The following LPAR4 variants were observed in gnomAD, a reference collection of about 807,000 sequenced individuals.
LPAR4 encodes the protein lysophosphatidic acid receptor 4.
Under a neutral mutation model 9.2 loss-of-function variants are expected in LPAR4, and 14 were observed. The ratio of observed to expected loss-of-function variants is 1.51; its 90% CI spans 1.00 to 2.37. The LOEUF (loss-of-function observed/expected upper bound fraction) is 2.37, where lower values mean the gene tolerates loss of function less well. LPAR4 is among the 30% of genes most tolerant of loss of function. LPAR4 has a pLI of 0.00. For missense variants in LPAR4, 251 were observed against 272.1 expected (o/e 0.92, Z 0.55); for synonymous variants, 131 against 97.9 (o/e 1.34, Z -1.99).
At chrX:78,750,047 T>G (rs983682738) in intron 1 of LPAR4, 127 bp from the exon 2 acceptor site, 5 of 111,974 alleles carry the variant, frequency 4.5e-5, no homozygotes, top group Non-Finnish European at 7.5e-5. Context: ...CTAATTTGCT[T>G]GGATTTTGAA....
Position 78,754,861 on chromosome X carries a change from A to G in LPAR4, c.-9A>G, listed in dbSNP as rs749233321. 12 of 1,174,953 alleles carry G rather than the reference A, an allele frequency of 1.0e-5. No individual in the cohort carries two copies. In the South Asian group the frequency reaches 1.2e-4, roughly 12 times the overall value. ...CCTGCAGCCAGCAGGCCTCCTGAAA[A>G]AAAAGTCCATGGGTGACAGAAGATT... On this transcript the variant is annotated 5_prime_UTR_variant, in exon 5 of 5. Transcript: ENST00000614823.
chrX:78,754,521 T>C (rs1353867236), intron 4 of LPAR4, among the ~76,000 whole-genome samples: 1 of 112,294 alleles, frequency 8.9e-6, no homozygotes, highest in Non-Finnish European at 1.9e-5. Context: ...TTAACTATCA[T>C]TTTATATTTT....
Position 78,756,900 on chromosome X carries a change from A to T in LPAR4, c.*918A>T, listed in dbSNP as rs555754557. The T allele has an allele frequency of 1.6e-5, 2 of 122,269 alleles. No individual in the cohort carries two copies. Among genetic ancestry groups the T allele is most frequent in the South Asian group, 3.8e-4 (1 of 2,656 alleles). The allele number at this position is 122,269 out of a possible 1,213,427, so 10.1% of individuals were successfully genotyped here. On this transcript the variant is annotated 3_prime_UTR_variant, in exon 5 of 5. Coordinates refer to ENST00000614823, the MANE Select transcript of LPAR4 (RefSeq NM_001278000.3). ...GGTCAGGAGCAAATTGAAAAAAAAA[A>T]TAAAGTAATACAAAAAAATCAAACT...
At position 78,757,439 on chromosome X, in the gene LPAR4, G is replaced by A. The variant is rs752071746; in HGVS notation, c.*1457G>A. Among the ~76,000 whole-genome samples, 2 of 111,532 alleles carry A rather than the reference G, an allele frequency of 1.8e-5. No individual in the cohort carries two copies. Among genetic ancestry groups the A allele is most frequent in the East Asian group, 5.6e-4 (2 of 3,586 alleles). On this transcript the variant is annotated 3_prime_UTR_variant, in exon 5 of 5. Transcript: ENST00000614823. The stretch of plus-strand genomic sequence containing the variant: ...TTCATATAATGCTTTGGATCAAATT[G>A]CAACTAAGAAGCTGCTAAAATGGCA...
At chrX:78,750,837 T>C (rs1329788685) in intron 3 of LPAR4, 45 bp downstream of exon 3, 1 of 111,601 alleles carries the variant, frequency 9.0e-6, no homozygotes, top group Non-Finnish European at 1.9e-5. Flanking sequence ...TTGGTATTTT[T>C]AATGTAATGC....
chrX:78,755,294 A>G lies in LPAR4; in HGVS notation c.425A>G (p.Tyr142Cys), dbSNP rs1413370709. 2 of 1,207,044 alleles carry G rather than the reference A, an allele frequency of 1.7e-6. No individual in the cohort carries two copies. The highest frequency in any genetic ancestry group is 1.1e-6 in the Non-Finnish European group (1 of 892,925). Residue 142 changes from tyrosine (Y) to cysteine (C), a missense_variant, in exon 5 of 5, where the codon TAT (tyrosine) becomes TGT (cysteine). By Grantham distance (194) the Tyr-to-Cys change is radical. Transcript: ENST00000614823. ...GTGGATCGTTTCCTGGCCATTGTCT[A>G]TCCTTTTCGATCTCGTACTATTAGG... ...ISVDRFLAIVYPFRSRTIRTR... is the reference protein window; with the variant it reads ...ISVDRFLAIVCPFRSRTIRTR...
At position 78,756,008 on chromosome X, in the gene LPAR4, A is replaced by T; in HGVS notation, c.*26A>T. 1.8e-6 allele frequency: 2 copies of T among 1,141,848 alleles called. No homozygotes were observed. The highest frequency in any genetic ancestry group is 2.0e-5 in the South Asian group (1 of 49,231). 94.1% of individuals were successfully genotyped at this position (1,141,848 alleles called of 1,213,427 possible). The stretch of plus-strand genomic sequence containing the variant: ...GTATGAGAAATGTGTTCAGGTCCAG[A>T]TATGGTTTCTCCTATAATTTTTCCT... On this transcript the variant is annotated 3_prime_UTR_variant, in exon 5 of 5. Coordinates refer to ENST00000614823, the MANE Select transcript of LPAR4 (RefSeq NM_001278000.3).
At chrX:78,753,907 G>GCAGTTTT (rs941689036) in intron 4 of LPAR4, among the ~76,000 whole-genome samples, 18 of 111,743 alleles carry the variant, frequency 1.6e-4, no homozygotes, top group Non-Finnish European at 2.8e-4. Context: ...GGCCACAGTG[G>GCAGTTTT]CAGTTTTCCC....
At position 78,754,860 on chromosome X, in the gene LPAR4, A is replaced by T; in HGVS notation, c.-10A>T. The T allele has an allele frequency of 1.1e-5, 13 of 1,176,908 alleles. No individual in the cohort carries two copies. The highest frequency in any genetic ancestry group is 1.4e-5 in the Non-Finnish European group (12 of 878,627). ...CCCTGCAGCCAGCAGGCCTCCTGAAAAAAAAGTCCATGGGTGACAGAAGAT... is the reference window on the plus strand; with the variant it reads ...CCCTGCAGCCAGCAGGCCTCCTGAATAAAAAGTCCATGGGTGACAGAAGAT... On this transcript the variant is annotated 5_prime_UTR_variant, in exon 5 of 5. Transcript: ENST00000614823.
chrX:78,750,838 A>G (rs1411783079), intron 3 of LPAR4, 46 bp downstream of exon 3: 2 of 111,103 alleles, frequency 1.8e-5, no homozygotes, highest in East Asian at 5.7e-4. Flanking sequence ...TGGTATTTTT[A>G]ATGTAATGCA....
intron 3 of LPAR4, 24 bp from the exon 4 acceptor site, chrX:78,751,186 A>G (rs759246891): frequency 1.8e-5 from 2 of 111,380 alleles, no homozygotes; most frequent in Non-Finnish European, 3.8e-5. Context: ...ATGGCACACT[A>G]TTATGACTAT....
chrX:78,750,036 C>T (rs1283254422), intron 1 of LPAR4, 138 bp from the exon 2 acceptor site: 1 of 111,605 alleles, frequency 9.0e-6, no homozygotes, highest in Non-Finnish European at 1.9e-5. Context: ...ATTTGAACTT[C>T]CTAATTTGCT....
At position 78,754,923 on chromosome X, in the gene LPAR4, C is replaced by T; in HGVS notation, c.54C>T (p.Leu18=). Residue 18 remains leucine (L), a synonymous_variant, in exon 5 of 5, where the codon CTC becomes CTT. Coordinates refer to ENST00000614823, the MANE Select transcript of LPAR4 (RefSeq NM_001278000.3). ...DFQFQDSNSS[L]RPRLGNATAN... ...AATTCCAAGATTCAAATTCAAGCCTCAGACCCAGGTTGGGCAATGCTACTG... is the reference window on the plus strand; with the variant it reads ...AATTCCAAGATTCAAATTCAAGCCTTAGACCCAGGTTGGGCAATGCTACTG... 1 of 1,205,339 alleles carries T rather than the reference C, an allele frequency of 8.3e-7. No individual in the cohort carries two copies. The highest frequency in any genetic ancestry group is 1.8e-5 in the South Asian group (1 of 55,458).
intron 1 of LPAR4, among the ~76,000 whole-genome samples, chrX:78,749,672 T>A (rs1924971583): frequency 1.8e-5 from 2 of 111,866 alleles, no homozygotes; most frequent in South Asian, 7.4e-4. Flanking sequence ...TCTGTGATTC[T>A]TAGCTTCCGG....
intron 4 of LPAR4, among the ~76,000 whole-genome samples, chrX:78,753,246 C>A (rs1002555130): frequency 8.9e-6 from 1 of 111,840 alleles, no homozygotes; most frequent in Admixed American, 9.5e-5. Flanking sequence ...TGGTCCTTTG[C>A]CTCTATTTAG....
chrX:78,753,142 G>T (rs1925142822), intron 4 of LPAR4, among the ~76,000 whole-genome samples: 1 of 111,808 alleles, frequency 8.9e-6, no homozygotes, highest in South Asian at 3.7e-4. Context: ...GAGGTTTGCA[G>T]AAGACAGTAG....
At chrX:78,753,831 G>A (rs753128688) in intron 4 of LPAR4, among the ~76,000 whole-genome samples, 5 of 111,761 alleles carry the variant, frequency 4.5e-5, no homozygotes, top group Non-Finnish European at 7.5e-5. Flanking sequence ...TTAAGTCCCA[G>A]CGCCACACCC....
rs1925336013 is a variant in LPAR4, at chrX:78,757,103, C to T, written c.*1121C>T. The T allele has an allele frequency of 8.4e-6, 1 of 119,379 alleles. No individual in the cohort carries two copies. The highest frequency in any genetic ancestry group is 1.9e-5 in the Non-Finnish European group (1 of 52,171). 9.8% of individuals were successfully genotyped at this position (119,379 alleles called of 1,213,427 possible). On this transcript the variant is annotated 3_prime_UTR_variant, in exon 5 of 5. Transcript: ENST00000614823. ...ATAAAAAAAAAAAACAACACATAAA[C>T]TAAACCAAACCAAAACAAAAAAACC...
rs1448062123 is a variant in LPAR4 at position 78,758,186 on chromosome X, G to C, written c.*2204G>C. On this transcript the variant is annotated 3_prime_UTR_variant, in exon 5 of 5. Transcript: ENST00000614823. ...TATGCATTATGTAGTCTTATGAAAAGAGGCTATAGATGGAATATATAAGGC... is the reference window on the plus strand; with the variant it reads ...TATGCATTATGTAGTCTTATGAAAACAGGCTATAGATGGAATATATAAGGC... 8.9e-6 allele frequency among the ~76,000 whole-genome samples: 1 copy of C among 111,826 alleles called. No homozygotes were observed. Among genetic ancestry groups the C allele is most frequent in the East Asian group, 2.8e-4 (1 of 3,596 alleles).
Sources: gnomAD v4.1 joint callset for allele counts (sites outside exome capture counted in the v4.1 genomes callset) on GRCh38, gnomAD v4.1.1 for gene constraint, MANE v1.5 for transcripts, NCBI Gene and HGNC (gene_info 2026-07-23, HGNC 2026-07-21) for gene names.